RBMS1: variants seen among roughly 807,000 people sequenced by gnomAD.
RBMS1 encodes RNA binding motif single stranded interacting protein 1.
Under a neutral mutation model 62.3 loss-of-function variants are expected in RBMS1, and 17 were observed. That is an observed-to-expected ratio of 0.27 (90% confidence interval 0.19 to 0.41). RBMS1 has a LOEUF of 0.41. Ranked by LOEUF, RBMS1 falls within the 10% of genes least tolerant of loss-of-function variation. RBMS1 has a pLI of 1.00. For missense variants in RBMS1, 334 were observed against 504.5 expected, an observed-to-expected ratio of 0.66 and a Z score of 3.24; for synonymous variants, 172 against 170.0, an observed-to-expected ratio of 1.01 and a Z score of -0.09.
At position 160,330,743 on chromosome 2, in the gene RBMS1, C is replaced by T. The variant is rs575335447; in HGVS notation, c.252-12516G>A. On this transcript the variant is annotated intron_variant, in intron 2 of 13. Transcript: ENST00000348849. The stretch of plus-strand genomic sequence containing the variant: ...ATAGAAAGACACTATGCTCTTGGGC[C>T]TTTCTGCTCACCATTCTCCAACACT... Among the ~76,000 whole-genome samples the T allele has an allele frequency of 3.9e-5, 6 of 152,102 alleles. No individual in the cohort carries two copies. The South Asian group carries it at 1.2e-3, about 32-fold the overall frequency.
At chr2:160,398,387 C>A (rs1173449542) in intron 1 of RBMS1, among the ~76,000 whole-genome samples, 1 of 152,120 alleles carries the variant, frequency 6.6e-6, no homozygotes, top group Non-Finnish European at 1.5e-5. Context: ...TTGAGAAGAT[C>A]CAGGACAAAC....
At chr2:160,399,612 C>T (rs1003641106) in intron 1 of RBMS1, among the ~76,000 whole-genome samples, 6 of 151,678 alleles carry the variant, frequency 4.0e-5, no homozygotes, top group Non-Finnish European at 8.8e-5. Flanking sequence ...TCAGTTTAAA[C>T]AAAAGAACTA....
Position 160,493,444 on chromosome 2 carries a change from C to CCGGCGG in RBMS1, c.-87_-82dup, listed in dbSNP as rs1169274651. ...CTCGGGCTCTCCTGCCTCTCCCTTT[C>CCGGCGG]CGGCGGCGGCGGCAGCGGCGGCGGC... On this transcript the variant is annotated 5_prime_UTR_variant, in exon 1 of 14. Coordinates refer to ENST00000348849, the MANE Select transcript of RBMS1 (RefSeq NM_016836.4). The CCGGCGG allele has an allele frequency of 1.6e-5, 22 of 1,410,562 alleles. No homozygotes were observed. The highest frequency in any genetic ancestry group is 1.1e-4 in the African/African-American group (8 of 69,934). The allele number at this position is 1,410,562 out of a possible 1,614,324, so 87.4% of individuals were successfully genotyped here.
At chr2:160,406,617 A>ATT (rs879613335) in intron 1 of RBMS1, among the ~76,000 whole-genome samples, 2 of 152,226 alleles carry the variant, frequency 1.3e-5, no homozygotes, top group Non-Finnish European at 2.9e-5. Context: ...AGACTTGCAC[A>ATT]TTTTTTAGAT....
At chr2:160,356,280 CTCT>C (rs1388063291) in intron 2 of RBMS1, among the ~76,000 whole-genome samples, 1 of 152,126 alleles carries the variant, frequency 6.6e-6, no homozygotes, top group African/African-American at 2.4e-5. Flanking sequence ...CAGGTTCCTC[CTCT>C]ATCCTCCTGC....
chr2:160,482,543 G>A (rs1685414122), intron 1 of RBMS1, among the ~76,000 whole-genome samples: 1 of 152,114 alleles, frequency 6.6e-6, no homozygotes, highest in South Asian at 2.1e-4. Flanking sequence ...TAATTAAACT[G>A]ACCAGGTATT....
intron 2 of RBMS1, among the ~76,000 whole-genome samples, chr2:160,339,613 A>G (rs1408715463): frequency 6.6e-6 from 1 of 152,184 alleles, no homozygotes; most frequent in Admixed American, 6.5e-5. Context: ...TCTTATTGAA[A>G]GGTCCAAAAC....
intron 1 of RBMS1, among the ~76,000 whole-genome samples, chr2:160,383,501 T>C (rs1694400828): frequency 6.6e-6 from 1 of 151,934 alleles, no homozygotes. Context: ...TAAAGGACTA[T>C]TTTATTTTTA....
intron 2 of RBMS1, among the ~76,000 whole-genome samples, chr2:160,333,143 G>A (rs899282487): frequency 1.3e-5 from 2 of 152,026 alleles, no homozygotes; most frequent in African/African-American, 4.8e-5. Context: ...TGGAGGTGGG[G>A]GCAGAAAGGG....
At chr2:160,447,529 A>G (rs1240299125) in intron 1 of RBMS1, among the ~76,000 whole-genome samples, 1 of 152,280 alleles carries the variant, frequency 6.6e-6, no homozygotes, top group Non-Finnish European at 1.5e-5. Context: ...TACTTATAAA[A>G]GGATAAAAGC....
intron 2 of RBMS1, among the ~76,000 whole-genome samples, chr2:160,336,991 T>C (rs893617980): frequency 3.9e-5 from 6 of 152,302 alleles, no homozygotes; most frequent in Admixed American, 3.9e-4. Flanking sequence ...AATCCAACTT[T>C]TGTACTTCTG....
At chr2:160,353,541 C>A (rs1010325138) in intron 2 of RBMS1, among the ~76,000 whole-genome samples, 4 of 152,098 alleles carry the variant, frequency 2.6e-5, no homozygotes, top group Admixed American at 6.6e-5. Flanking sequence ...TCAAGACCTG[C>A]CCAGTGGAGA....
rs536019434 is a variant in RBMS1 at position 160,366,440 on chromosome 2, C to T, written c.251+776G>A. On this transcript the variant is annotated intron_variant, in intron 2 of 13. Coordinates refer to ENST00000348849, the MANE Select transcript of RBMS1 (RefSeq NM_016836.4). ...ATTGTCTTAGGATAAATAAAAAGTA[C>T]GCTTATATGTGTAGGCTTTTCTAGC... Among the ~76,000 whole-genome samples the T allele has an allele frequency of 9.9e-5, 15 of 152,266 alleles. No individual in the cohort carries two copies. In the South Asian group the frequency reaches 1.0e-3, roughly 11 times the overall value.
At chr2:160,346,640 A>AG (rs1692191902) in intron 2 of RBMS1, among the ~76,000 whole-genome samples, 1 of 152,186 alleles carries the variant, frequency 6.6e-6, no homozygotes, top group South Asian at 2.1e-4. Context: ...AGCAAGCAAT[A>AG]GGTGCTACAT....
chr2:160,377,437 C>G (rs1462406040), intron 1 of RBMS1, among the ~76,000 whole-genome samples: 3 of 152,154 alleles, frequency 2.0e-5, no homozygotes, highest in African/African-American at 7.2e-5. Flanking sequence ...GGGGTGGGGT[C>G]AAGTTTCTGC....
At chr2:160,368,609 T>A (rs1693544842) in intron 1 of RBMS1, among the ~76,000 whole-genome samples, 1 of 152,164 alleles carries the variant, frequency 6.6e-6, no homozygotes, top group Non-Finnish European at 1.5e-5. Context: ...TTCCATAATA[T>A]CTCAACATAT....
intron 1 of RBMS1, among the ~76,000 whole-genome samples, chr2:160,483,668 G>A (rs1158695112): frequency 1.3e-5 from 2 of 152,168 alleles, no homozygotes; most frequent in African/African-American, 4.8e-5. Flanking sequence ...TGGTCACACT[G>A]GTGCATCTAC....
At chr2:160,394,765 C>T (rs1290669136) in intron 1 of RBMS1, among the ~76,000 whole-genome samples, 1 of 152,158 alleles carries the variant, frequency 6.6e-6, no homozygotes, top group Non-Finnish European at 1.5e-5. Flanking sequence ...TAAAAAGATA[C>T]ACTCTTTAAC....
intron 2 of RBMS1, among the ~76,000 whole-genome samples, chr2:160,364,584 T>A (rs542433879): frequency 3.5e-4 from 53 of 152,172 alleles, no homozygotes; most frequent in Non-Finnish European, 6.5e-4. Flanking sequence ...CCTTTCCCTG[T>A]CATCTCAATA....
Sources: allele counts gnomAD v4.1 joint callset (sites outside exome capture counted in the v4.1 genomes callset), GRCh38; gene constraint gnomAD v4.1.1; transcripts MANE v1.5; gene names NCBI Gene and HGNC (gene_info 2026-07-23, HGNC 2026-07-21).